Variants in ENTREP2 observed in about 807,000 individuals in gnomAD.
ENTREP2 encodes protein ENTREP2.
At chr15:29,356,329 C>T in the ENTREP2 span, among the ~76,000 whole-genome samples, 8 of 50,206 alleles carry the variant, frequency 1.6e-4, no homozygotes, top group African/African-American at 5.5e-4. Flanking sequence ...TTTTTTGAGA[C>T]GGAGTCTCGC....
the ENTREP2 span, among the ~76,000 whole-genome samples, chr15:29,149,781 C>G: frequency 6.6e-6 from 1 of 152,346 alleles, no homozygotes; most frequent in African/African-American, 2.4e-5. Context: ...CCATGACTCT[C>G]AAGCCCGGCA....
chr15:29,619,931 C>T, the ENTREP2 span, among the ~76,000 whole-genome samples: 1 of 152,060 alleles, frequency 6.6e-6, no homozygotes, highest in African/African-American at 2.4e-5. Flanking sequence ...TGAATCTCAC[C>T]CTCAGACTCT....
chr15:29,622,362 C>A, the ENTREP2 span, among the ~76,000 whole-genome samples: 2 of 151,976 alleles, frequency 1.3e-5, no homozygotes, highest in Non-Finnish European at 2.9e-5. Flanking sequence ...CCCATGACCA[C>A]GCCCGGCTAA....
At chr15:29,395,856 C>T in the ENTREP2 span, among the ~76,000 whole-genome samples, 1 of 152,064 alleles carries the variant, frequency 6.6e-6, no homozygotes, top group African/African-American at 2.4e-5. Flanking sequence ...TGATTTGCAT[C>T]TCCTTAAGGA....
the ENTREP2 span, among the ~76,000 whole-genome samples, chr15:29,524,861 TC>T: frequency 1.3e-5 from 2 of 151,962 alleles, no homozygotes; most frequent in Non-Finnish European, 2.9e-5. Flanking sequence ...AAAATAGAGC[TC>T]CCATACAAGG....
At chr15:29,212,476 T>C in the ENTREP2 span, among the ~76,000 whole-genome samples, 10,114 of 152,216 alleles carry the variant, frequency 0.066, 1,161 homozygotes, top group African/African-American at 0.23. Context: ...CAATTTCATT[T>C]AGTTCTGCTC....
At chr15:29,362,130 T>C in the ENTREP2 span, among the ~76,000 whole-genome samples, 1 of 152,002 alleles carries the variant, frequency 6.6e-6, no homozygotes, top group African/African-American at 2.4e-5. Flanking sequence ...CTCAGTGCTG[T>C]TCCACAGACC....
At chr15:29,589,140 T>A in the ENTREP2 span, among the ~76,000 whole-genome samples, 1 of 152,104 alleles carries the variant, frequency 6.6e-6, no homozygotes, top group African/African-American at 2.4e-5. Context: ...AGGATTGTCA[T>A]TGGGGCCAGG....
chr15:29,231,419 G>A, the ENTREP2 span, among the ~76,000 whole-genome samples: 2 of 152,138 alleles, frequency 1.3e-5, no homozygotes, highest in Admixed American at 6.5e-5. Flanking sequence ...TAAAAAATCT[G>A]AGAGTTAATC....
At chr15:29,201,833 A>C in the ENTREP2 span, among the ~76,000 whole-genome samples, 4 of 152,162 alleles carry the variant, frequency 2.6e-5, no homozygotes, top group Admixed American at 2.0e-4. Context: ...TTTTTCAGAG[A>C]AATTGTGTAG....
the ENTREP2 span, among the ~76,000 whole-genome samples, chr15:29,310,272 T>C: frequency 6.6e-6 from 1 of 151,944 alleles, no homozygotes; most frequent in Non-Finnish European, 1.5e-5. Flanking sequence ...GGGGTCTGAG[T>C]TGGGTGCAGG....
the ENTREP2 span, among the ~76,000 whole-genome samples, chr15:29,208,279 C>T: frequency 6.6e-6 from 1 of 152,018 alleles, no homozygotes; most frequent in Admixed American, 6.6e-5. Context: ...CCTGTCCTAC[C>T]TATAAGTAGA....
At chr15:29,640,914 C>T in the ENTREP2 span, among the ~76,000 whole-genome samples, 1 of 152,076 alleles carries the variant, frequency 6.6e-6, no homozygotes, top group African/African-American at 2.4e-5. Flanking sequence ...AGTACAGATG[C>T]AAAAATTCTG....
chr15:29,458,489 C>T, the ENTREP2 span, among the ~76,000 whole-genome samples: 4 of 152,256 alleles, frequency 2.6e-5, no homozygotes, highest in South Asian at 8.3e-4. Context: ...ATCCTGAGCC[C>T]ACCAAGCCCC....
the ENTREP2 span, among the ~76,000 whole-genome samples, chr15:29,340,722 T>C: frequency 6.6e-6 from 1 of 152,108 alleles, no homozygotes; most frequent in East Asian, 1.9e-4. Flanking sequence ...ACTAATACAT[T>C]GAAAAAATAA....
chr15:29,554,511 T>C, the ENTREP2 span, among the ~76,000 whole-genome samples: 2 of 152,142 alleles, frequency 1.3e-5, no homozygotes, highest in Non-Finnish European at 2.9e-5. Flanking sequence ...ATAAATTCAT[T>C]GAACAAATAT....
the ENTREP2 span, among the ~76,000 whole-genome samples, chr15:29,532,198 G>A: frequency 1.3e-5 from 2 of 152,026 alleles, no homozygotes; most frequent in South Asian, 2.1e-4. Flanking sequence ...AATTTATTTC[G>A]CTAAACTGTG....
chr15:29,568,243 G>A, the ENTREP2 span, among the ~76,000 whole-genome samples: 2 of 152,330 alleles, frequency 1.3e-5, no homozygotes, highest in East Asian at 1.9e-4. Flanking sequence ...ACAGACAGGA[G>A]GGTGGGAGAT....
At chr15:29,278,786 A>G in the ENTREP2 span, among the ~76,000 whole-genome samples, 3 of 152,186 alleles carry the variant, frequency 2.0e-5, no homozygotes, top group African/African-American at 7.2e-5. Context: ...TGGAGCCTCA[A>G]TTCTAATCCA....
Sources: allele counts gnomAD v4.1 joint callset (sites outside exome capture counted in the v4.1 genomes callset), GRCh38; gene constraint gnomAD v4.1.1; transcripts MANE v1.5; gene names NCBI Gene and HGNC (gene_info 2026-07-23, HGNC 2026-07-21).